NSD2: variants seen among roughly 807,000 people sequenced by gnomAD.
NSD2 encodes the protein nuclear receptor binding SET domain protein 2.
Under a neutral mutation model 139.0 loss-of-function variants are expected in NSD2, and 12 were observed. The observed-to-expected ratio is 0.09, with a 90% confidence interval of 0.06 to 0.14. The LOEUF (loss-of-function observed/expected upper bound fraction) is 0.14, where lower values mean the gene tolerates loss of function less well. NSD2 is among the 10% of genes least tolerant of loss of function. NSD2 has a pLI of 1.00. For synonymous variants in NSD2, 669 were observed against 648.7 expected (o/e 1.03, Z -0.48); for missense variants, 1,155 against 1,745.0 (o/e 0.66, Z 6.02).
At chr4:1,888,037 C>A (rs1462905662) in intron 1 of NSD2, among the ~76,000 whole-genome samples, 1 of 152,036 alleles carries the variant, frequency 6.6e-6, no homozygotes, top group Non-Finnish European at 1.5e-5. Flanking sequence ...TTTTTTGCAT[C>A]TCATGTCTTC....
In NSD2 at chr4:1,930,511, A is replaced by G. The variant is rs185496043; in HGVS notation, c.1411-115A>G. On this transcript the variant is annotated intron_variant, in intron 5 of 21. Coordinates refer to ENST00000508803, the MANE Select transcript of NSD2 (RefSeq NM_001042424.3). ...TATGGACATAGTTCCACGATGTGGG[A>G]ATAAAAATGCGACACACTAAGTTCT... is the stretch of plus-strand genomic sequence containing the variant. 4 of 1,109,196 alleles carry G rather than the reference A, an allele frequency of 3.6e-6. 1 individual carries two copies. The Admixed American group carries it at 1.3e-4, about 36-fold the overall frequency. 68.7% of individuals were successfully genotyped at this position (1,109,196 alleles called of 1,614,324 possible).
chr4:1,971,315 C>T (rs1011000175), intron 18 of NSD2, among the ~76,000 whole-genome samples: 3 of 152,128 alleles, frequency 2.0e-5, no homozygotes, highest in Admixed American at 2.0e-4. Context: ...TTTTTTGACA[C>T]CAGAGCCACC....
intron 9 of NSD2, chr4:1,946,655 AT>A: frequency 9.7e-7 from 1 of 1,036,074 alleles, no homozygotes; most frequent in Non-Finnish European, 1.2e-6. Flanking sequence ...TTTGGGTACC[AT>A]TTTTATTGTT....
chr4:1,901,047 A>C lies in NSD2; in HGVS notation c.393A>C (p.Thr131=). ...AAATTAAGCTGAAAATCACCAAAAC[A>C]TACATGAATGGGAAGCCTCTCTTTG... ...SPEIKLKITK[T]YMNGKPLFES... is the part of the protein sequence containing the mutation. The change falls in exon 2 of 22, where the codon ACA becomes ACC. Residue 131 remains threonine (T), a synonymous_variant. Coordinates refer to ENST00000508803, the MANE Select transcript of NSD2 (RefSeq NM_001042424.3). The C allele has an allele frequency of 6.2e-7, 1 of 1,614,216 alleles. No homozygotes were observed. The highest frequency in any genetic ancestry group is 8.5e-7 in the Non-Finnish European group (1 of 1,180,044).
chr4:1,910,454 T>G (rs976488008), intron 3 of NSD2, among the ~76,000 whole-genome samples: 7 of 152,138 alleles, frequency 4.6e-5, no homozygotes, highest in Admixed American at 1.3e-4. Flanking sequence ...AGGCTCAACC[T>G]TTTAAGTTGG....
At position 1,918,412 on chromosome 4, in the gene NSD2, G is replaced by A; in HGVS notation, c.1199G>A (p.Arg400Lys). ...VREECIPMKR[R>K]RRAKLCSSAE... ...GAAGAGTGCATTCCCATGAAGAGAA[G>A]GCGGAGGGCCAAACTGTGTAGCTCT... The change falls in exon 5 of 22, where the codon AGG (arginine) becomes AAG (lysine). Residue 400 changes from arginine to lysine, a missense_variant. Arg to Lys is a conservative substitution (Grantham distance 26). Coordinates refer to ENST00000508803, the MANE Select transcript of NSD2 (RefSeq NM_001042424.3). The A allele has an allele frequency of 6.2e-7, 1 of 1,614,126 alleles. No individual in the cohort carries two copies. The highest frequency in any genetic ancestry group is 8.5e-7 in the Non-Finnish European group (1 of 1,180,036).
At chr4:1,918,902 C>A in intron 5 of NSD2, 1 of 296,796 alleles carries the variant, frequency 3.4e-6, no homozygotes, top group Non-Finnish European at 6.2e-6. Context: ...AATTTCAGTA[C>A]TTTGGGAGGC....
At chr4:1,957,285 T>G (rs934175014) in intron 15 of NSD2, among the ~76,000 whole-genome samples, 1 of 151,008 alleles carries the variant, frequency 6.6e-6, no homozygotes, top group Admixed American at 6.6e-5. Flanking sequence ...TTTTTTTGTT[T>G]TTGTTTTTTT....
intron 1 of NSD2, among the ~76,000 whole-genome samples, chr4:1,882,409 A>G (rs961885620): frequency 1.2e-4 from 19 of 152,232 alleles, no homozygotes; most frequent in African/African-American, 4.3e-4. Flanking sequence ...TCATGCCTGT[A>G]ATCCCAGCAC....
At chr4:1,947,908 G>C (rs1237242977) in intron 9 of NSD2, 1 of 1,055,942 alleles carries the variant, frequency 9.5e-7, no homozygotes, top group East Asian at 5.3e-5. Context: ...GCGCTTTGCA[G>C]TCACAGAAGG....
intron 9 of NSD2, chr4:1,946,026 T>C: frequency 1.9e-6 from 2 of 1,038,350 alleles, no homozygotes; most frequent in Non-Finnish European, 1.2e-6. Flanking sequence ...TGTGAAAATG[T>C]AACATTTTAT....
At chr4:1,930,930 A>C (rs1721558914) in intron 6 of NSD2, among the ~76,000 whole-genome samples, 160 bp downstream of exon 6, 1 of 151,992 alleles carries the variant, frequency 6.6e-6, no homozygotes, top group Admixed American at 6.6e-5. Flanking sequence ...TCACAGTAAA[A>C]ACAGCTTCTG....
chr4:1,957,848 T>C, intron 15 of NSD2, 85 bp from the exon 16 acceptor site: 1 of 1,267,124 alleles, frequency 7.9e-7, no homozygotes, highest in Non-Finnish European at 1.1e-6. Flanking sequence ...ATTGAAAGTT[T>C]AGAGTGAACT....
At position 1,973,066 on chromosome 4, in the gene NSD2, G is replaced by C. The variant is rs980001837; in HGVS notation, c.3373-1797G>C. On this transcript the variant is annotated intron_variant, in intron 18 of 21. Transcript: ENST00000508803. The surrounding 1 kb of genome is among the most constrained non-coding windows in gnomAD (Gnocchi z 5.5). Reference sequence around the variant, plus strand: ...ACAGTTTCACCATGTTGGCCAGGCTGGTTTCGAACTCCTGGCCTCAAGTGA... The same window carrying C: ...ACAGTTTCACCATGTTGGCCAGGCTCGTTTCGAACTCCTGGCCTCAAGTGA... Among the ~76,000 whole-genome samples, 4 of 152,152 alleles carry C rather than the reference G, an allele frequency of 2.6e-5. No individual in the cohort carries two copies. The highest frequency in any genetic ancestry group is 9.7e-5 in the African/African-American group (4 of 41,416).
intron 19 of NSD2, 94 bp downstream of exon 19, chr4:1,975,098 G>T: frequency 6.4e-6 from 10 of 1,574,670 alleles, no homozygotes; most frequent in Non-Finnish European, 8.7e-6. Flanking sequence ...GAAAGGCTCT[G>T]GGGGAGGTGG....
chr4:1,976,897 C>T lies in NSD2; in HGVS notation c.3826+218C>T, dbSNP rs1256750512. ...ATCGAGCAGAGAAGATATGTGGTGA[C>T]GGGGTAGCCCCTGGAACCTCCAGGA... is the stretch of plus-strand genomic sequence containing the variant. On this transcript the variant is annotated intron_variant, in intron 21 of 21. Transcript: ENST00000508803. The surrounding 1 kb of genome is among the most constrained non-coding windows in gnomAD (Gnocchi z 5.3). Among the ~76,000 whole-genome samples, 1 of 152,234 alleles carries T rather than the reference C, an allele frequency of 6.6e-6. No individual in the cohort carries two copies. Among genetic ancestry groups the T allele is most frequent in the Admixed American group, 6.5e-5 (1 of 15,290 alleles).
intron 3 of NSD2, among the ~76,000 whole-genome samples, chr4:1,915,978 T>C (rs1400291637): frequency 1.3e-5 from 2 of 152,138 alleles, no homozygotes; most frequent in Admixed American, 6.5e-5. Context: ...TGGTACCTCC[T>C]TTCTTTTATT....
rs1298654371 is a variant in NSD2 at position 1,981,691 on chromosome 4, A to G, written c.*2782A>G. ...CCATGGCTGGCTGGGTCCCCTTCGC[A>G]GTGTTTGTCTGTCTTGACATCTAAA... On this transcript the variant is annotated 3_prime_UTR_variant, in exon 22 of 22. Transcript: ENST00000508803. 1 of 395,240 alleles carries G rather than the reference A, an allele frequency of 2.5e-6. No homozygotes were observed. The highest frequency in any genetic ancestry group is 2.1e-5 in the African/African-American group (1 of 48,580). 24.5% of individuals were successfully genotyped at this position (395,240 alleles called of 1,614,324 possible).
chr4:1,899,240 G>A (rs886059312), intron 1 of NSD2: 1 of 152,184 alleles, frequency 6.6e-6, no homozygotes, highest in Non-Finnish European at 1.5e-5. Context: ...TTTCTGTGGA[G>A]ACTGCGGGTT....
Sources: gnomAD v4.1 joint callset for allele counts (sites outside exome capture counted in the v4.1 genomes callset) on GRCh38, gnomAD v4.1.1 for gene constraint, Gnocchi (gnomAD v3.1) non-coding constraint, MANE v1.5 for transcripts, NCBI Gene and HGNC (gene_info 2026-07-23, HGNC 2026-07-21) for gene names.